The following CYFIP1 variants were observed in gnomAD, a reference collection of about 807,000 sequenced individuals.
CYFIP1 encodes the protein cytoplasmic FMR1-interacting protein 1.
A neutral mutation model predicts 163.5 loss-of-function variants in CYFIP1; 58 were observed. That is an observed-to-expected ratio of 0.35 (90% CI 0.29 to 0.44). The LOEUF (loss-of-function observed/expected upper bound fraction) is 0.44, where lower values mean the gene tolerates loss of function less well. CYFIP1 is among the 20% of genes least tolerant of loss of function. CYFIP1 has a pLI of 1.00. For missense variants in CYFIP1, 1,338 were observed against 1,653.8 expected (o/e 0.81, Z 3.31); for synonymous variants, 663 against 660.7 (o/e 1.00, Z -0.05).
intron 1 of CYFIP1, among the ~76,000 whole-genome samples, chr15:22,973,579 T>C (rs1449253906): frequency 6.6e-6 from 1 of 152,178 alleles, no homozygotes; most frequent in Non-Finnish European, 1.5e-5. Context: ...TCTGCTCTGT[T>C]CTTCTGTGGC....
chr15:22,926,088 T>G lies in CYFIP1; in HGVS notation c.1253A>C (p.His418Pro). The change falls in exon 13 of 31, where the codon CAC becomes CCC. Residue 418 changes from histidine to proline, a missense_variant. By Grantham distance (77) the His-to-Pro change is moderately conservative. Transcript: ENST00000617928. ...VMEVYSWKLV[H>P]PTDKYSNKDC... The stretch of plus-strand genomic sequence containing the variant: ...CTTGTTGGAGTACTTGTCGGTGGGG[T>G]GCACAAGCTTCCAGGAATACTGTGG... 6.2e-7 allele frequency: 1 copy of G among 1,614,020 alleles called. No individual in the cohort carries two copies. Among genetic ancestry groups the G allele is most frequent in the Non-Finnish European group, 8.5e-7 (1 of 1,179,976 alleles).
At position 22,873,674 on chromosome 15, in the gene CYFIP1, C is replaced by G. The variant is rs1445713011; in HGVS notation, c.3266G>C (p.Gly1089Ala). 6.2e-7 allele frequency: 1 copy of G among 1,614,138 alleles called. No individual in the cohort carries two copies. The highest frequency in any genetic ancestry group is 8.5e-7 in the Non-Finnish European group (1 of 1,180,044). ...CAGGATGACCTCAAACATGGACAGG[C>G]CGCAGCAGAGGCGCTCCTTTGTCAG... is the stretch of plus-strand genomic sequence containing the variant. ...DLLTKERLCC[G>A]LSMFEVILTR... Residue 1089 changes from glycine (G) to alanine (A), a missense_variant, in exon 29 of 31, where the codon GGC becomes GCC. Gly to Ala is a moderately conservative substitution (Grantham distance 60, BLOSUM62 0). Coordinates refer to ENST00000617928, the MANE Select transcript of CYFIP1 (RefSeq NM_014608.6).
chr15:22,887,338 G>A (rs933792013), intron 23 of CYFIP1, among the ~76,000 whole-genome samples: 1 of 151,980 alleles, frequency 6.6e-6, no homozygotes, highest in African/African-American at 2.4e-5. Flanking sequence ...CCTGCGGCCC[G>A]CTGCAACCTT....
chr15:22,952,194 G>C (rs1232504098), intron 1 of CYFIP1, among the ~76,000 whole-genome samples: 2 of 152,112 alleles, frequency 1.3e-5, no homozygotes, highest in Non-Finnish European at 2.9e-5. Context: ...CAAACTCAGA[G>C]ACAGAAAGGA....
In CYFIP1 at chr15:22,872,641, C is replaced by A. The variant is rs2039053026; in HGVS notation, c.3597+184G>T. 7 of 595,980 alleles carry A rather than the reference C, an allele frequency of 1.2e-5. No homozygotes were observed. In the South Asian group the frequency reaches 1.4e-4, roughly 12 times the overall value. The allele number at this position is 595,980 out of a possible 1,614,324, so 36.9% of individuals were successfully genotyped here. The stretch of plus-strand genomic sequence containing the variant: ...AGGAAAACGGAACAATGAGTATTTT[C>A]TCTGCCAGACTGCTTTACTGGCCAA... On this transcript the variant is annotated intron_variant, in intron 30 of 30. Transcript: ENST00000617928.
intron 5 of CYFIP1, among the ~76,000 whole-genome samples, chr15:22,944,154 G>A (rs939726315): frequency 1.3e-5 from 2 of 148,526 alleles, no homozygotes; most frequent in South Asian, 2.1e-4. Context: ...CAGGAGAATC[G>A]CTTGAACCTG....
At chr15:22,889,038 CA>C (rs543290681) in intron 23 of CYFIP1, among the ~76,000 whole-genome samples, 142 of 134,228 alleles carry the variant, frequency 1.1e-3, no homozygotes, top group Non-Finnish European at 1.5e-3. Flanking sequence ...GACTCTGTCT[CA>C]AAAAAAAAAA....
chr15:22,955,501 C>G (rs1012156326), intron 1 of CYFIP1, among the ~76,000 whole-genome samples: 2 of 152,180 alleles, frequency 1.3e-5, no homozygotes, highest in African/African-American at 4.8e-5. Flanking sequence ...AGAGTTGCCC[C>G]GGCGTGGGCA....
intron 23 of CYFIP1, among the ~76,000 whole-genome samples, chr15:22,888,501 G>A (rs1380635247): frequency 1.3e-5 from 2 of 152,072 alleles, no homozygotes; most frequent in Admixed American, 6.6e-5. Flanking sequence ...GGAGGCCCAG[G>A]CAGGAGATCT....
At chr15:22,912,306 G>T (rs758945037) in intron 17 of CYFIP1, 31 bp from the exon 18 acceptor site, 2 of 1,536,634 alleles carry the variant, frequency 1.3e-6, no homozygotes, top group Admixed American at 1.9e-5. Context: ...GTGACCAGCA[G>T]CCTCTGCCAC....
chr15:22,948,348 G>C (rs1435844902), intron 1 of CYFIP1, among the ~76,000 whole-genome samples: 1 of 152,184 alleles, frequency 6.6e-6, no homozygotes, highest in Non-Finnish European at 1.5e-5. Context: ...GCCACCAGCG[G>C]CACACAGGGG....
intron 1 of CYFIP1, among the ~76,000 whole-genome samples, chr15:22,978,259 G>T (rs539559817): frequency 4.4e-4 from 65 of 149,396 alleles, no homozygotes; most frequent in Non-Finnish European, 8.0e-4. Flanking sequence ...GGCTGAGGTG[G>T]GAGAACCACC....
intron 11 of CYFIP1, among the ~76,000 whole-genome samples, chr15:22,930,945 C>T (rs2061517379): frequency 6.6e-6 from 1 of 152,188 alleles, no homozygotes; most frequent in Admixed American, 6.5e-5. Context: ...CCCACTCGCT[C>T]GCCACTCACT....
At chr15:22,896,618 G>A (rs1418900138) in intron 22 of CYFIP1, among the ~76,000 whole-genome samples, 1 of 151,970 alleles carries the variant, frequency 6.6e-6, no homozygotes, top group Admixed American at 6.6e-5. Flanking sequence ...GGCCCAACAA[G>A]TAATTTTTCA....
chr15:22,912,472 C>A (rs1450589472), intron 17 of CYFIP1, 197 bp from the exon 18 acceptor site: 2 of 498,148 alleles, frequency 4.0e-6, no homozygotes, highest in Non-Finnish European at 7.0e-6. Flanking sequence ...CACCAGGCTG[C>A]GAGGATGCTT....
At chr15:22,911,526 G>C (rs1267276389) in intron 18 of CYFIP1, among the ~76,000 whole-genome samples, 1 of 152,150 alleles carries the variant, frequency 6.6e-6, no homozygotes, top group Non-Finnish European at 1.5e-5. Context: ...ACCCTCAAAA[G>C]ACCCTTACTT....
At position 22,980,362 on chromosome 15, in the gene CYFIP1, C is replaced by G. The variant is rs936661751; in HGVS notation, c.-82G>C. On this transcript the variant is annotated 5_prime_UTR_variant, in exon 1 of 31. Coordinates refer to ENST00000617928, the MANE Select transcript of CYFIP1 (RefSeq NM_014608.6). ...GGCCGAGTGAGTCACTCGGGCTGGC[C>G]GGGAATGCGCCAGGAAACACTCGGC... 3 of 151,522 alleles carry G rather than the reference C, an allele frequency of 2.0e-5. No individual in the cohort carries two copies. The highest frequency in any genetic ancestry group is 4.4e-5 in the Non-Finnish European group (3 of 67,778). The allele number at this position is 151,522 out of a possible 1,614,324, so 9.4% of individuals were successfully genotyped here. A position where few individuals can be genotyped will look rare whatever the true frequency, so the allele number is the denominator to read the frequency against.
intron 5 of CYFIP1, among the ~76,000 whole-genome samples, chr15:22,943,963 G>A (rs1212277154): frequency 6.6e-6 from 1 of 152,110 alleles, no homozygotes; most frequent in Non-Finnish European, 1.5e-5. Context: ...AATTGGCCAG[G>A]CGTGGTGGCT....
At position 22,951,655 on chromosome 15, in the gene CYFIP1, G is replaced by C. The variant is rs933993231; in HGVS notation, c.-6-4364C>G. On this transcript the variant is annotated intron_variant, in intron 1 of 30. Transcript: ENST00000617928. The stretch of plus-strand genomic sequence containing the variant: ...CGGGCCCCACGCGGGTCAACAAGAA[G>C]ACAGGTCGGACCGAGCACCCTGGGA... The C allele has an allele frequency of 3.5e-6, 3 of 863,216 alleles. No homozygotes were observed. In the African/African-American group the frequency reaches 5.3e-5, roughly 15 times the overall value. The allele number at this position is 863,216 out of a possible 1,614,324, so 53.5% of individuals were successfully genotyped here. A position where few individuals can be genotyped will look rare whatever the true frequency, so the allele number is the denominator to read the frequency against.
Sources: allele counts gnomAD v4.1 joint callset (sites outside exome capture counted in the v4.1 genomes callset), GRCh38; gene constraint gnomAD v4.1.1; transcripts MANE v1.5; gene names NCBI Gene and HGNC (gene_info 2026-07-23, HGNC 2026-07-21).